LGR4: variants seen among roughly 807,000 people sequenced by gnomAD.
LGR4 encodes the protein leucine-rich repeat-containing G protein-coupled receptor 4.
In LGR4, 44 loss-of-function variants were observed where a neutral mutation model predicts 84.8. The observed-to-expected ratio is 0.52, with a 90% CI of 0.41 to 0.67. The LOEUF (loss-of-function observed/expected upper bound fraction) is 0.67. LGR4 is among the 30% of genes least tolerant of loss of function. The pLI is 0.00. For missense variants in LGR4, 1,032 were observed against 1,131.4 expected (o/e 0.91, Z 1.26); for synonymous variants, 429 against 434.3 (o/e 0.99, Z 0.15).
At chr11:27,439,884 C>A (rs1864273955) in intron 1 of LGR4, among the ~76,000 whole-genome samples, 1 of 148,922 alleles carries the variant, frequency 6.7e-6, no homozygotes, top group Non-Finnish European at 1.5e-5. Context: ...TCTGGTTTTC[C>A]TTGAGGTAGG....
rs1862762273 is a variant in LGR4, at chr11:27,366,203, T to C, written c.*1664A>G. On this transcript the variant is annotated 3_prime_UTR_variant, in exon 18 of 18. Transcript: ENST00000379214. ...GATAGCAATTTTTAAAACTTGTAAA[T>C]AGTTGGCCTTACAAAATTACAACAC... The C allele has an allele frequency of 6.6e-6, 1 of 152,594 alleles. No individual in the cohort carries two copies. The highest frequency in any genetic ancestry group is 1.5e-5 in the Non-Finnish European group (1 of 67,984). The allele number at this position is 152,594 out of a possible 1,614,324, so 9.5% of individuals were successfully genotyped here. A position where few individuals can be genotyped will look rare whatever the true frequency, so the allele number is the denominator to read the frequency against.
chr11:27,401,796 A>C (rs138952867), intron 2 of LGR4, among the ~76,000 whole-genome samples: 33 of 152,358 alleles, frequency 2.2e-4, no homozygotes, highest in Middle Eastern at 3.4e-3. Flanking sequence ...GGTAACTGTC[A>C]CCAAGGTCAT....
At chr11:27,370,504 G>T (rs926777332) in intron 17 of LGR4, among the ~76,000 whole-genome samples, 1 of 152,184 alleles carries the variant, frequency 6.6e-6, no homozygotes, top group African/African-American at 2.4e-5. Context: ...GCCTCCTCTG[G>T]TGCTAACAGA....
intron 3 of LGR4, among the ~76,000 whole-genome samples, chr11:27,391,519 G>T (rs1236729959): frequency 6.6e-6 from 1 of 152,066 alleles, no homozygotes; most frequent in Non-Finnish European, 1.5e-5. Context: ...CAAGTTAACT[G>T]GGAGGTATAA....
chr11:27,414,677 C>T (rs1450160702), intron 1 of LGR4, among the ~76,000 whole-genome samples: 2 of 151,992 alleles, frequency 1.3e-5, no homozygotes, highest in Non-Finnish European at 2.9e-5. Context: ...GATCATTATC[C>T]CTGGGGGAAG....
intron 12 of LGR4, among the ~76,000 whole-genome samples, chr11:27,376,665 C>T (rs1481185582): frequency 6.6e-6 from 1 of 152,158 alleles, no homozygotes; most frequent in African/African-American, 2.4e-5. Flanking sequence ...ATTCCCCCAT[C>T]AACCCCACTC....
At chr11:27,374,369 G>T (rs1862938144) in intron 13 of LGR4, among the ~76,000 whole-genome samples, 1 of 152,144 alleles carries the variant, frequency 6.6e-6, no homozygotes, top group Admixed American at 6.5e-5. Flanking sequence ...TGCTAACTCA[G>T]TGAGGAAAAG....
At chr11:27,466,693 C>T (rs563857265) in intron 1 of LGR4, among the ~76,000 whole-genome samples, 178 of 152,302 alleles carry the variant, frequency 1.2e-3, no homozygotes, top group African/African-American at 4.0e-3. Context: ...CCATAACCGG[C>T]AGAGCATTTA....
chr11:27,413,629 C>A (rs1035262796), intron 1 of LGR4, among the ~76,000 whole-genome samples: 5 of 152,156 alleles, frequency 3.3e-5, no homozygotes, highest in African/African-American at 1.2e-4. Context: ...AAGGGAAAGT[C>A]CCAGCATGCG....
intron 2 of LGR4, among the ~76,000 whole-genome samples, chr11:27,393,938 T>TGGGGGGGGGG (rs1565077421): frequency 2.3e-4 from 1 of 4,300 alleles, no homozygotes; most frequent in African/African-American, 2.9e-4. Flanking sequence ...GCACTGAAGA[T>TGGGGGGGGGG]TGGGGGGGGG....
intron 2 of LGR4, among the ~76,000 whole-genome samples, chr11:27,397,530 T>A (rs1863413904): frequency 6.6e-6 from 1 of 152,206 alleles, no homozygotes; most frequent in African/African-American, 2.4e-5. Context: ...AAGCTAATAT[T>A]ACTACTAAAA....
intron 2 of LGR4, among the ~76,000 whole-genome samples, chr11:27,411,375 A>G (rs1863708149): frequency 6.6e-6 from 1 of 151,552 alleles, no homozygotes; most frequent in Admixed American, 6.6e-5. Context: ...AAAATAATTA[A>G]TGTTCACTAT....
rs542546129 is a variant in LGR4, at chr11:27,427,363, G to A, written c.186-14503C>T. 5.1e-4 allele frequency among the ~76,000 whole-genome samples: 78 copies of A among 152,260 alleles called. 3 individuals carry two copies. In the South Asian group the frequency reaches 0.012, roughly 23 times the overall value. On this transcript the variant is annotated intron_variant, in intron 1 of 17. Transcript: ENST00000379214. Reference sequence around the variant, plus strand: ...GAGTACAGGGAAGGGCCTCCGAAACGAAAGAACAGCTGGCATGAAGGTAGA... The same window carrying A: ...GAGTACAGGGAAGGGCCTCCGAAACAAAAGAACAGCTGGCATGAAGGTAGA...
chr11:27,468,318 T>A (rs985957666), intron 1 of LGR4, among the ~76,000 whole-genome samples: 1 of 152,176 alleles, frequency 6.6e-6, no homozygotes, highest in African/African-American at 2.4e-5. Context: ...TTGTACAGTA[T>A]CCAAATTACT....
At chr11:27,437,565 C>T (rs779119620) in intron 1 of LGR4, among the ~76,000 whole-genome samples, 10 of 151,974 alleles carry the variant, frequency 6.6e-5, no homozygotes, top group Non-Finnish European at 1.2e-4. Context: ...GGACTAGATC[C>T]GTCCTTCCAA....
Position 27,472,756 on chromosome 11 carries a change from T to G in LGR4, c.-454A>C, listed in dbSNP as rs1165353709. 6.5e-4 allele frequency: 198 copies of G among 303,390 alleles called. No individual in the cohort carries two copies. Among genetic ancestry groups the G allele is most frequent in the East Asian group, 9.0e-4 (17 of 18,966 alleles). 18.8% of individuals were successfully genotyped at this position (303,390 alleles called of 1,614,324 possible). The stretch of plus-strand genomic sequence containing the variant: ...TGTCTCCCAGCCGCGGCTCAATCTC[T>G]TCCCGTCCTTTTCCCTTCTAGGGTT... On this transcript the variant is annotated 5_prime_UTR_variant, in exon 1 of 18. Coordinates refer to ENST00000379214, the MANE Select transcript of LGR4 (RefSeq NM_018490.5).
chr11:27,400,113 T>C (rs1863471136), intron 2 of LGR4, among the ~76,000 whole-genome samples: 1 of 152,216 alleles, frequency 6.6e-6, no homozygotes, highest in Non-Finnish European at 1.5e-5. Context: ...TTTTGAGTGT[T>C]GACATGCATG....
At chr11:27,404,341 T>C (rs1177146592) in intron 2 of LGR4, among the ~76,000 whole-genome samples, 1 of 152,166 alleles carries the variant, frequency 6.6e-6, no homozygotes, top group African/African-American at 2.4e-5. Flanking sequence ...TTTCATCACC[T>C]TCGTTCCTGG....
At chr11:27,414,282 A>C (rs546866959) in intron 1 of LGR4, among the ~76,000 whole-genome samples, 1 of 152,184 alleles carries the variant, frequency 6.6e-6, no homozygotes, top group African/African-American at 2.4e-5. Context: ...CAAGATGTAA[A>C]ACAAATACTT....
Sources: gnomAD v4.1 joint callset for allele counts (sites outside exome capture counted in the v4.1 genomes callset) on GRCh38, gnomAD v4.1.1 for gene constraint, MANE v1.5 for transcripts, NCBI Gene and HGNC (gene_info 2026-07-23, HGNC 2026-07-21) for gene names.